Variants in SYT6 observed in about 807,000 individuals in gnomAD.
SYT6 encodes synaptotagmin-6.
SYT6 carries 24 observed loss-of-function variants against 38.4 expected under a neutral mutation model. The observed-to-expected ratio is 0.62, with a 90% CI of 0.45 to 0.88. The LOEUF (loss-of-function observed/expected upper bound fraction) is 0.88. SYT6 is among the 40% of genes least tolerant of loss of function. The pLI is 0.00. For synonymous variants in SYT6, 265 were observed against 241.9 expected, an observed-to-expected ratio of 1.10 and a Z score of -0.89; for missense variants, 611 against 621.0, an observed-to-expected ratio of 0.98 and a Z score of 0.17.
intron 2 of SYT6, among the ~76,000 whole-genome samples, 178 bp from the exon 3 acceptor site, chr1:114,138,231 G>A (rs543694404): frequency 7.2e-5 from 11 of 152,220 alleles, no homozygotes; most frequent in African/African-American, 2.6e-4. Flanking sequence ...GTTGTGGTGA[G>A]CATTACATGT....
intron 1 of SYT6, among the ~76,000 whole-genome samples, chr1:114,150,312 G>A (rs1317934486): frequency 6.6e-6 from 1 of 152,092 alleles, no homozygotes. Flanking sequence ...AAATCTAAGG[G>A]CTCTACAACT....
Position 114,090,055 on chromosome 1 carries a change from A to G in SYT6, c.*2079T>C, listed in dbSNP as rs1311883593. 6.6e-6 allele frequency: 1 copy of G among 152,330 alleles called. No homozygotes were observed. Among genetic ancestry groups the G allele is most frequent in the Non-Finnish European group, 1.5e-5 (1 of 68,024 alleles). 9.4% of individuals were successfully genotyped at this position (152,330 alleles called of 1,614,324 possible). ...GAATTTTGAGTTCACTTCCAGAAGG[A>G]CCTTCTCACACTAATTTCTGGACTC... On this transcript the variant is annotated 3_prime_UTR_variant, in exon 8 of 8. Coordinates refer to ENST00000610222, the MANE Select transcript of SYT6 (RefSeq NM_001253772.2).
intron 3 of SYT6, among the ~76,000 whole-genome samples, chr1:114,116,577 T>C (rs1056105705): frequency 2.0e-5 from 3 of 152,236 alleles, no homozygotes; most frequent in African/African-American, 7.2e-5. Flanking sequence ...TACAGGCTTC[T>C]TGGGAGAGTT....
At position 114,093,756 on chromosome 1, in the gene SYT6, T is replaced by G; in HGVS notation, c.*30A>C. ...TTACTCCTAACTCCAGGTGGCAGTC[T>G]CTCTGCTTGCAGCATCCACGTGAAT... On this transcript the variant is annotated 3_prime_UTR_variant, in exon 7 of 8. Transcript: ENST00000610222. 1 of 1,613,994 alleles carries G rather than the reference T, an allele frequency of 6.2e-7. No individual in the cohort carries two copies. The highest frequency in any genetic ancestry group is 8.5e-7 in the Non-Finnish European group (1 of 1,179,974).
intron 3 of SYT6, among the ~76,000 whole-genome samples, chr1:114,124,356 G>T (rs1336032114): frequency 1.3e-5 from 2 of 152,152 alleles, no homozygotes; most frequent in Non-Finnish European, 2.9e-5. Context: ...CCGGAACTGA[G>T]CTACACCTGG....
intron 3 of SYT6, among the ~76,000 whole-genome samples, chr1:114,109,443 A>G (rs1215175172): frequency 6.6e-6 from 1 of 152,200 alleles, no homozygotes; most frequent in Non-Finnish European, 1.5e-5. Flanking sequence ...TAAGACTATG[A>G]AAGCTTAAGT....
chr1:114,121,181 T>C (rs1268848877), intron 3 of SYT6, among the ~76,000 whole-genome samples: 2 of 152,152 alleles, frequency 1.3e-5, no homozygotes, highest in African/African-American at 4.8e-5. Context: ...ACTCCTAACA[T>C]CTCAGAATGC....
chr1:114,103,637 G>A lies in SYT6; in HGVS notation c.1156C>T (p.Arg386Trp), dbSNP rs374176925. ...GRLTLTVIKC[R>W]NLKAMDITGY... ...GTGATGTCCATCGCCTTGAGGTTCC[G>A]ACACTTAATCACTGTGAGGGTGAGC... The change falls in exon 4 of 8, where the codon CGG (arginine) becomes TGG (tryptophan). Residue 386 changes from arginine (R) to tryptophan (W), a missense_variant. Transcript: ENST00000610222. The A allele has an allele frequency of 2.8e-5, 46 of 1,614,172 alleles. No individual in the cohort carries two copies. The highest frequency in any genetic ancestry group is 5.5e-5 in the South Asian group (5 of 91,082).
intron 3 of SYT6, among the ~76,000 whole-genome samples, chr1:114,128,459 T>C (rs375437613): frequency 5.3e-5 from 8 of 152,342 alleles, no homozygotes; most frequent in South Asian, 4.1e-4. Context: ...ACCAGCCTCT[T>C]GGCATACTGC....
intron 3 of SYT6, among the ~76,000 whole-genome samples, chr1:114,111,282 T>C (rs957396296): frequency 3.9e-5 from 6 of 152,204 alleles, no homozygotes; most frequent in African/African-American, 1.4e-4. Flanking sequence ...TGTCATATAA[T>C]CTTCACAAAA....
rs549305784 is a variant in SYT6, at chr1:114,137,604, C to T, written c.962G>A (p.Arg321His). ...GCCAATCATGTCATGGCGGGAGAAG[C>T]GGTCAAAGTCGAAGACACTGAGATG... ...KLHLSVFDFD[R>H]FSRHDMIGEV... Residue 321 changes from arginine to histidine, a missense_variant, in exon 3 of 8, where the codon CGC (arginine) becomes CAC (histidine). Transcript: ENST00000610222. The T allele has an allele frequency of 1.5e-5, 24 of 1,614,122 alleles. No individual in the cohort carries two copies. The highest frequency in any genetic ancestry group is 6.6e-5 in the South Asian group (6 of 91,072).
At chr1:114,129,865 G>A (rs1219265851) in intron 3 of SYT6, among the ~76,000 whole-genome samples, 1 of 129,048 alleles carries the variant, frequency 7.7e-6, no homozygotes, top group Non-Finnish European at 1.6e-5. Context: ...TTAATTTTTT[G>A]TAGAGACGAG....
intron 3 of SYT6, among the ~76,000 whole-genome samples, chr1:114,135,584 G>A (rs972112138): frequency 1.3e-5 from 2 of 152,184 alleles, no homozygotes; most frequent in Non-Finnish European, 1.5e-5. Context: ...GCCAGGTGGG[G>A]GAAGTGGGGA....
chr1:114,099,885 C>T (rs974332947), intron 4 of SYT6, among the ~76,000 whole-genome samples: 16 of 152,238 alleles, frequency 1.1e-4, no homozygotes, highest in East Asian at 1.9e-4. Context: ...ATCTAGAAGG[C>T]GTGAAGTGGC....
chr1:114,113,642 G>T (rs1426442333), intron 3 of SYT6, among the ~76,000 whole-genome samples: 2 of 152,046 alleles, frequency 1.3e-5, no homozygotes, highest in Non-Finnish European at 2.9e-5. Flanking sequence ...TCATCATCAA[G>T]CCCTGATAAT....
Position 114,097,892 on chromosome 1 carries a change from A to C in SYT6, c.1365-15T>G. 2 of 1,613,642 alleles carry C rather than the reference A, an allele frequency of 1.2e-6. No individual in the cohort carries two copies. The highest frequency in any genetic ancestry group is 2.7e-5 in the African/African-American group (2 of 75,044). On this transcript the variant is annotated splice_polypyrimidine_tract_variant and intron_variant, in intron 5 of 7. Coordinates refer to ENST00000610222, the MANE Select transcript of SYT6 (RefSeq NM_001253772.2). ...TGTGGCCCACTCTGAGGGAGAAACA[A>C]AAGTCCCAGCACTGGCTACCAGACA...
chr1:114,098,382 T>C (rs1343218173), intron 5 of SYT6, among the ~76,000 whole-genome samples: 2 of 152,242 alleles, frequency 1.3e-5, no homozygotes, highest in Non-Finnish European at 2.9e-5. Context: ...CTTTATTGCA[T>C]GGTTTCTTTC....
intron 3 of SYT6, among the ~76,000 whole-genome samples, chr1:114,124,213 C>T (rs1328773306): frequency 2.0e-5 from 3 of 152,174 alleles, no homozygotes; most frequent in Non-Finnish European, 4.4e-5. Flanking sequence ...CATTTGAAAC[C>T]ACAAAAACCT....
At chr1:114,130,413 T>C (rs141599698) in intron 3 of SYT6, among the ~76,000 whole-genome samples, 357 of 152,190 alleles carry the variant, frequency 2.3e-3, no homozygotes, top group African/African-American at 8.2e-3. Flanking sequence ...TCCTTTGACT[T>C]CCTCTTTTTC....
Sources: allele counts gnomAD v4.1 joint callset (sites outside exome capture counted in the v4.1 genomes callset), GRCh38; gene constraint gnomAD v4.1.1; transcripts MANE v1.5; gene names NCBI Gene and HGNC (gene_info 2026-07-23, HGNC 2026-07-21).